HEMK2: variants seen among roughly 807,000 people sequenced by gnomAD.
HEMK2 encodes the protein methyltransferase HEMK2.
At chr21:28,784,951 C>G in the HEMK2 span, among the ~76,000 whole-genome samples, 3 of 152,166 alleles carry the variant, frequency 2.0e-5, no homozygotes, top group Non-Finnish European at 4.4e-5. Context: ...TAACACTCAC[C>G]GCGAAGATCT....
At chr21:28,883,961 A>G in the HEMK2 span, among the ~76,000 whole-genome samples, 123,327 of 152,132 alleles carry the variant, frequency 0.81, 50,756 homozygotes, top group South Asian at 0.93. Flanking sequence ...GCATTTAGGG[A>G]AATTTTTAGC....
chr21:28,637,643 T>C, the HEMK2 span, among the ~76,000 whole-genome samples: 1 of 152,218 alleles, frequency 6.6e-6, no homozygotes, highest in Non-Finnish European at 1.5e-5. Context: ...TGAGCAGCCT[T>C]CTTGCTAGGT....
chr21:28,777,314 C>T, the HEMK2 span, among the ~76,000 whole-genome samples: 1 of 152,182 alleles, frequency 6.6e-6, no homozygotes, highest in Non-Finnish European at 1.5e-5. Flanking sequence ...CATCAGCCAA[C>T]AACTGCAGAC....
the HEMK2 span, among the ~76,000 whole-genome samples, chr21:28,765,903 C>T: frequency 0.13 from 19,880 of 152,060 alleles, 1,451 homozygotes; most frequent in Middle Eastern, 0.23. Flanking sequence ...ATTAAAACCA[C>T]AATGAGATAC....
At chr21:28,661,822 GT>G in the HEMK2 span, among the ~76,000 whole-genome samples, 2 of 152,242 alleles carry the variant, frequency 1.3e-5, no homozygotes, top group East Asian at 3.9e-4. Flanking sequence ...CTGAGAAACA[GT>G]TTTTATATTT....
chr21:28,684,685 C>T, the HEMK2 span, among the ~76,000 whole-genome samples: 1 of 152,200 alleles, frequency 6.6e-6, no homozygotes, highest in East Asian at 1.9e-4. Flanking sequence ...CCAAACCTGA[C>T]ATCAACACGT....
chr21:28,591,425 G>A, the HEMK2 span, among the ~76,000 whole-genome samples: 1 of 152,134 alleles, frequency 6.6e-6, no homozygotes, highest in Non-Finnish European at 1.5e-5. Context: ...GAACAAGGTG[G>A]TGACTTTGAA....
chr21:28,865,381 G>C, the HEMK2 span, among the ~76,000 whole-genome samples: 1 of 152,126 alleles, frequency 6.6e-6, no homozygotes, highest in African/African-American at 2.4e-5. Flanking sequence ...GGCCAGGCTG[G>C]GTCTCGGACT....
the HEMK2 span, among the ~76,000 whole-genome samples, chr21:28,654,610 C>A: frequency 6.6e-6 from 1 of 152,084 alleles, no homozygotes; most frequent in Admixed American, 6.6e-5. Context: ...AAATAAAACA[C>A]ACATTTTAAT....
At chr21:28,831,655 GA>G in the HEMK2 span, among the ~76,000 whole-genome samples, 3 of 35,776 alleles carry the variant, frequency 8.4e-5, no homozygotes, top group African/African-American at 3.0e-4. Context: ...AAGAAAGAAA[GA>G]AAGAAAGAAA....
the HEMK2 span, among the ~76,000 whole-genome samples, chr21:28,613,558 G>T: frequency 6.9e-6 from 1 of 145,810 alleles, no homozygotes; most frequent in African/African-American, 2.5e-5. Flanking sequence ...AAAAGTATTT[G>T]CCTTGTCTTC....
At chr21:28,602,610 T>C in the HEMK2 span, among the ~76,000 whole-genome samples, 13 of 152,180 alleles carry the variant, frequency 8.5e-5, no homozygotes, top group Non-Finnish European at 1.6e-4. Context: ...ACAAGCTATA[T>C]AGCCTTCAGG....
chr21:28,725,543 C>A, the HEMK2 span, among the ~76,000 whole-genome samples: 1 of 152,152 alleles, frequency 6.6e-6, no homozygotes, highest in Admixed American at 6.5e-5. Context: ...CTTCTCCTAA[C>A]CACACATCAA....
At chr21:28,698,191 A>G in the HEMK2 span, among the ~76,000 whole-genome samples, 1 of 152,332 alleles carries the variant, frequency 6.6e-6, no homozygotes, top group East Asian at 1.9e-4. Flanking sequence ...ACCATAGCAC[A>G]TCATACAACT....
At chr21:28,719,105 T>C in the HEMK2 span, among the ~76,000 whole-genome samples, 2 of 152,216 alleles carry the variant, frequency 1.3e-5, no homozygotes, top group Non-Finnish European at 2.9e-5. Context: ...CTTATTTCTA[T>C]GCCTTCTTTT....
the HEMK2 span, chr21:28,882,315 A>G: frequency 1.6e-6 from 2 of 1,219,502 alleles, no homozygotes; most frequent in Non-Finnish European, 1.2e-6. Context: ...ACTGAGTAAT[A>G]TCAAGGTATG....
At chr21:28,841,859 C>T in the HEMK2 span, among the ~76,000 whole-genome samples, 30 of 152,164 alleles carry the variant, frequency 2.0e-4, no homozygotes, top group African/African-American at 7.0e-4. Flanking sequence ...CTAGGAGAGC[C>T]CTGCTGAAAG....
At chr21:28,676,011 G>A in the HEMK2 span, among the ~76,000 whole-genome samples, 1 of 152,160 alleles carries the variant, frequency 6.6e-6, no homozygotes, top group East Asian at 1.9e-4. Flanking sequence ...AATCCTTCAT[G>A]CTTAACCCCA....
the HEMK2 span, among the ~76,000 whole-genome samples, chr21:28,827,145 A>G: frequency 5.9e-5 from 9 of 152,244 alleles, no homozygotes; most frequent in Non-Finnish European, 1.3e-4. Context: ...GAAAGGCTAC[A>G]AAGTCTAATG....
Sources: allele counts gnomAD v4.1 joint callset (sites outside exome capture counted in the v4.1 genomes callset), GRCh38; gene constraint gnomAD v4.1.1; transcripts MANE v1.5; gene names NCBI Gene and HGNC (gene_info 2026-07-23, HGNC 2026-07-21).